Variants in CFHR1 observed in about 807,000 individuals in gnomAD.
CFHR1 encodes complement factor H-related protein 1.
Under a neutral mutation model 30.4 loss-of-function variants are expected in CFHR1, and 22 were observed. That is an observed-to-expected ratio of 0.72 (90% CI 0.52 to 1.03). The LOEUF is 1.03. Among genes scored for constraint, CFHR1 ranks in the 50% least tolerant of loss-of-function variants. The pLI is 0.00. For synonymous variants in CFHR1, 95 were observed against 129.1 expected, an observed-to-expected ratio of 0.74 and a Z score of 1.79; for missense variants, 248 against 380.6, an observed-to-expected ratio of 0.65 and a Z score of 2.90.
At position 196,829,501 on chromosome 1, in the gene CFHR1, G is replaced by A. The variant is rs1196805373; in HGVS notation, c.608-999G>A. 4.0e-4 allele frequency among the ~76,000 whole-genome samples: 54 copies of A among 134,238 alleles called. 9 individuals carry two copies. The highest frequency in any genetic ancestry group is 1.9e-3 in the Admixed American group (26 of 14,004). The allele number at this position is 134,238 out of a possible 152,430, so 88.1% of individuals were successfully genotyped here. A position where few individuals can be genotyped will look rare whatever the true frequency, so the allele number is the denominator to read the frequency against. On this transcript the variant is annotated intron_variant, in intron 4 of 5. Coordinates refer to ENST00000320493, the MANE Select transcript of CFHR1 (RefSeq NM_002113.3). ...ATTCCTTTAGTTATCTTTAGGCATA[G>A]GTCTACTGGAGACAAATTCTCTTGG...
At position 196,823,402 on chromosome 1, in the gene CFHR1, T is replaced by C. The variant is rs1441687695; in HGVS notation, c.59-2075T>C. On this transcript the variant is annotated intron_variant, in intron 1 of 5. Transcript: ENST00000320493. ...TAGGTACAAATGTATGAAAATAAAC[T>C]ACTATAATTTTGGAGGAGTGAAGGA... Among the ~76,000 whole-genome samples the C allele has an allele frequency of 7.6e-4, 102 of 134,928 alleles. 29 individuals carry two copies. The highest frequency in any genetic ancestry group is 3.9e-3 in the Middle Eastern group (1 of 256). The allele number at this position is 134,928 out of a possible 152,430, so 88.5% of individuals were successfully genotyped here. A position where few individuals can be genotyped will look rare whatever the true frequency, so the allele number is the denominator to read the frequency against.
chr1:196,822,351 A>G (rs1020683101), intron 1 of CFHR1, among the ~76,000 whole-genome samples: 2 of 132,810 alleles, frequency 1.5e-5, no homozygotes, highest in East Asian at 2.0e-4. Context: ...TTCTTCGATA[A>G]TAAATTAACC....
At position 196,822,967 on chromosome 1, in the gene CFHR1, G is replaced by A. The variant is rs1388974403; in HGVS notation, c.59-2510G>A. On this transcript the variant is annotated intron_variant, in intron 1 of 5. Coordinates refer to ENST00000320493, the MANE Select transcript of CFHR1 (RefSeq NM_002113.3). ...GTAATATATTGCACTGCAATGTTAC[G>A]ATGGCTATTAGGTGATAGGAATTTT... is the stretch of plus-strand genomic sequence containing the variant. Among the ~76,000 whole-genome samples, 5 of 133,476 alleles carry A rather than the reference G, an allele frequency of 3.7e-5. 2 individuals carry two copies. The highest frequency in any genetic ancestry group is 1.6e-4 in the African/African-American group (5 of 30,930). 87.6% of individuals were successfully genotyped at this position (133,476 alleles called of 152,430 possible). A position where few individuals can be genotyped will look rare whatever the true frequency, so the allele number is the denominator to read the frequency against.
intron 1 of CFHR1, among the ~76,000 whole-genome samples, chr1:196,822,370 T>C (rs1655148971): frequency 7.5e-6 from 1 of 133,742 alleles, no homozygotes; most frequent in South Asian, 2.6e-4. Context: ...CCTTAGTTTA[T>C]GTTAACCTTT....
intron 1 of CFHR1, among the ~76,000 whole-genome samples, chr1:196,820,560 G>A (rs1236941062): frequency 1.6e-5 from 2 of 122,622 alleles, no homozygotes; most frequent in Non-Finnish European, 3.3e-5. Flanking sequence ...TGAAATTAAG[G>A]CCACCATATC....
At position 196,820,659 on chromosome 1, in the gene CFHR1, C is replaced by T. The variant is rs1477457202; in HGVS notation, c.58+757C>T. ...GGAGTTTCGATCATTATGCTTTACC[C>T]TTTGATTTCCAAAAAGTTTTTACTT... On this transcript the variant is annotated intron_variant, in intron 1 of 5. Transcript: ENST00000320493. Among the ~76,000 whole-genome samples, 4 of 124,798 alleles carry T rather than the reference C, an allele frequency of 3.2e-5. 1 individual carries two copies. The highest frequency in any genetic ancestry group is 5.0e-5 in the Non-Finnish European group (3 of 60,500). 81.9% of individuals were successfully genotyped at this position (124,798 alleles called of 152,430 possible).
chr1:196,830,239 G>A (rs1253301206), intron 4 of CFHR1, among the ~76,000 whole-genome samples: 2 of 134,588 alleles, frequency 1.5e-5, no homozygotes, highest in Non-Finnish European at 3.1e-5. Flanking sequence ...GTATTCATTC[G>A]GAAAGATATT....
chr1:196,825,456 A>G, intron 1 of CFHR1, 21 bp from the exon 2 acceptor site: 1 of 1,360,224 alleles, frequency 7.4e-7, no homozygotes. Context: ...GTAATTCTTC[A>G]GTTTTATGTT....
At position 196,825,780 on chromosome 1, in the gene CFHR1, C is replaced by G. The variant is rs541375945; in HGVS notation, c.253+109C>G. The G allele has an allele frequency of 1.1e-5, 12 of 1,109,544 alleles. No individual in the cohort carries two copies. In the East Asian group the frequency reaches 2.5e-4, roughly 23 times the overall value. 68.7% of individuals were successfully genotyped at this position (1,109,544 alleles called of 1,614,324 possible). On this transcript the variant is annotated intron_variant, in intron 2 of 5. Coordinates refer to ENST00000320493, the MANE Select transcript of CFHR1 (RefSeq NM_002113.3). ...ATCACAGGGACAGTGACCAAAGAAGCTGGAAAGATGGGAGATGTAGTCCCC... is the reference window on the plus strand; with the variant it reads ...ATCACAGGGACAGTGACCAAAGAAGGTGGAAAGATGGGAGATGTAGTCCCC...
In CFHR1 at chr1:196,822,149, T is replaced by A. The variant is rs1162021187; in HGVS notation, c.58+2247T>A. Among the ~76,000 whole-genome samples the A allele has an allele frequency of 1.7e-4, 22 of 127,430 alleles. 8 individuals carry two copies. Among genetic ancestry groups the A allele is most frequent in the African/African-American group, 7.1e-4 (20 of 28,294 alleles). 83.6% of individuals were successfully genotyped at this position (127,430 alleles called of 152,430 possible). A position where few individuals can be genotyped will look rare whatever the true frequency, so the allele number is the denominator to read the frequency against. On this transcript the variant is annotated intron_variant, in intron 1 of 5. Coordinates refer to ENST00000320493, the MANE Select transcript of CFHR1 (RefSeq NM_002113.3). ...ATGAGTGGTGAGTGAATGTGATGGC[T>A]TAGAACATCACCATACACTACTAGA...
Position 196,830,439 on chromosome 1 carries a change from T to C in CFHR1, c.608-61T>C, listed in dbSNP as rs753568126. 1.6e-5 allele frequency: 23 copies of C among 1,481,690 alleles called. 3 individuals are homozygous for C. Among genetic ancestry groups the C allele is most frequent in the Non-Finnish European group, 2.0e-5 (22 of 1,090,190 alleles). 91.8% of individuals were successfully genotyped at this position (1,481,690 alleles called of 1,614,324 possible). A position where few individuals can be genotyped will look rare whatever the true frequency, so the allele number is the denominator to read the frequency against. On this transcript the variant is annotated intron_variant, in intron 4 of 5. Coordinates refer to ENST00000320493, the MANE Select transcript of CFHR1 (RefSeq NM_002113.3). ...AAGTGCTGTGTTTGTATTTGCCTTA[T>C]TTGAACTTGTATTTTGATTTGCTCT... is the stretch of plus-strand genomic sequence containing the variant.
rs1474048072 is a variant in CFHR1 at position 196,822,144 on chromosome 1, A to G, written c.58+2242A>G. ...ATTACATGAGTGGTGAGTGAATGTG[A>G]TGGCTTAGAACATCACCATACACTA... On this transcript the variant is annotated intron_variant, in intron 1 of 5. Coordinates refer to ENST00000320493, the MANE Select transcript of CFHR1 (RefSeq NM_002113.3). Among the ~76,000 whole-genome samples, 2 of 128,084 alleles carry G rather than the reference A, an allele frequency of 1.6e-5. 1 individual carries two copies. The highest frequency in any genetic ancestry group is 3.2e-5 in the Non-Finnish European group (2 of 62,396). 84.0% of individuals were successfully genotyped at this position (128,084 alleles called of 152,430 possible).
chr1:196,829,085 G>A (rs1277519773), intron 4 of CFHR1, among the ~76,000 whole-genome samples: 1 of 134,146 alleles, frequency 7.5e-6, no homozygotes, highest in African/African-American at 3.2e-5. Context: ...TGATTCATAT[G>A]TATTGTTTTC....
chr1:196,825,166 C>T (rs1655275201), intron 1 of CFHR1: 1 of 267,472 alleles, frequency 3.7e-6, no homozygotes, highest in Admixed American at 5.1e-5. Context: ...ATTTGCTACT[C>T]TTACACTCTG....
rs61334687 is a variant in CFHR1 at position 196,828,795 on chromosome 1, GT to G, written c.607+564del. On this transcript the variant is annotated intron_variant, in intron 4 of 5. Transcript: ENST00000320493. ...TGTTTTAAAATTAATGTTGTCCTGT[GT>G]TTTTTTTTTTTTTTCACTATTTTAC... is the stretch of plus-strand genomic sequence containing the variant. Among the ~76,000 whole-genome samples, 360 of 113,374 alleles carry G rather than the reference GT, an allele frequency of 3.2e-3. 48 individuals carry two copies. Among genetic ancestry groups the G allele is most frequent in the African/African-American group, 9.6e-3 (241 of 24,980 alleles). 74.4% of individuals were successfully genotyped at this position (113,374 alleles called of 152,430 possible).
In CFHR1 at chr1:196,832,144, G is replaced by A. The variant is rs1233979936; in HGVS notation, c.*145G>A. The A allele has an allele frequency of 1.3e-5, 10 of 755,694 alleles. 1 individual carries two copies. The highest frequency in any genetic ancestry group is 2.1e-5 in the Non-Finnish European group (10 of 477,796). 46.8% of individuals were successfully genotyped at this position (755,694 alleles called of 1,614,324 possible). ...GAAAATGTAATTATAAGCTGAGACC[G>A]GTGGCTCTCTTCTTAAAAGCACCAT... On this transcript the variant is annotated 3_prime_UTR_variant, in exon 6 of 6. Coordinates refer to ENST00000320493, the MANE Select transcript of CFHR1 (RefSeq NM_002113.3).
Position 196,825,662 on chromosome 1 carries a change from A to G in CFHR1, c.244A>G (p.Lys82Glu), listed in dbSNP as rs1236806130. The G allele has an allele frequency of 2.0e-6, 3 of 1,522,566 alleles. No individual in the cohort carries two copies. The highest frequency in any genetic ancestry group is 2.7e-6 in the Non-Finnish European group (3 of 1,127,216). The allele number at this position is 1,522,566 out of a possible 1,614,324, so 94.3% of individuals were successfully genotyped here. A position where few individuals can be genotyped will look rare whatever the true frequency, so the allele number is the denominator to read the frequency against. Residue 82 changes from lysine (K) to glutamate (E), a missense_variant, in exon 2 of 6, where the codon AAG becomes GAG. Physicochemically the swap from Lys to Glu is moderately conservative, Grantham distance 56. Around this residue, in one of 3 missense-constraint regions of CFHR1, gnomAD observed 121 missense variants for 162.6 expected, o/e 0.74. Transcript: ENST00000320493. Reference protein sequence around the residue: ...CTEEGWSPTPKCLRLCFFPFV... With the variant: ...CTEEGWSPTPECLRLCFFPFV... Reference sequence around the variant, plus strand: ...AGAAGAAGGATGGTCACCAACACCAAAGTGTCTCAGTGAGTAAATGCTCTG... The same window carrying G: ...AGAAGAAGGATGGTCACCAACACCAGAGTGTCTCAGTGAGTAAATGCTCTG...
chr1:196,831,067 G>T (rs1450373379), intron 5 of CFHR1, among the ~76,000 whole-genome samples: 1 of 135,450 alleles, frequency 7.4e-6, no homozygotes, highest in African/African-American at 3.2e-5. Flanking sequence ...GGGAGGCGGA[G>T]CTTGCAGTGA....
In CFHR1 at chr1:196,826,803, T is replaced by C. The variant is rs781013823; in HGVS notation, c.254-26T>C. 21 of 1,500,268 alleles carry C rather than the reference T, an allele frequency of 1.4e-5. 2 individuals are homozygous for C. The East Asian group carries it at 3.4e-4, about 24-fold the overall frequency. 92.9% of individuals were successfully genotyped at this position (1,500,268 alleles called of 1,614,324 possible). A position where few individuals can be genotyped will look rare whatever the true frequency, so the allele number is the denominator to read the frequency against. ...CTTTTTCTTTGCTACTTCCATCTTG[T>C]ACATTAATCCGTTTTTGGTCCTTAG... On this transcript the variant is annotated intron_variant, in intron 2 of 5. Transcript: ENST00000320493.
Sources: allele counts gnomAD v4.1 joint callset (sites outside exome capture counted in the v4.1 genomes callset), GRCh38; gene constraint gnomAD v4.1.1; regional missense constraint gnomAD v4.1.1; transcripts MANE v1.5; gene names NCBI Gene and HGNC (gene_info 2026-07-23, HGNC 2026-07-21).